CPNE2: variants seen among roughly 807,000 people sequenced by gnomAD.
CPNE2 encodes copine 2, also known as copine-2.
In CPNE2, 42 loss-of-function variants were observed where a neutral mutation model predicts 69.7. The observed-to-expected ratio is 0.60, with a 90% CI of 0.47 to 0.78. The LOEUF is 0.78. Ranked by LOEUF, CPNE2 falls within the 30% of genes least tolerant of loss-of-function variation. The pLI, the probability that CPNE2 is intolerant of heterozygous loss-of-function variation, is 0.00. For missense variants in CPNE2, 587 were observed against 732.0 expected, an observed-to-expected ratio of 0.80 and a Z score of 2.29; for synonymous variants, 294 against 289.8, an observed-to-expected ratio of 1.01 and a Z score of -0.15.
chr16:57,137,398 G>T, intron 14 of CPNE2, 116 bp downstream of exon 14: 1 of 1,319,240 alleles, frequency 7.6e-7, no homozygotes. Flanking sequence ...TCTGGGCCTT[G>T]CTTTACCTTC....
At chr16:57,137,027 C>CT in intron 13 of CPNE2, 122 bp from the exon 14 acceptor site, 2 of 1,406,124 alleles carry the variant, frequency 1.4e-6, no homozygotes, top group South Asian at 2.8e-5. Flanking sequence ...CTCACAAGGC[C>CT]TATGCTAGCC....
In CPNE2 at chr16:57,100,343, C is replaced by T. The variant is rs547189902; in HGVS notation, c.-36+7553C>T. ...ACTTGCTGAAACTGTGTGTGGCAAA[C>T]AGCAGAGCTAGAGCCAAAAGTGTGA... On this transcript the variant is annotated intron_variant, in intron 1 of 15. Transcript: ENST00000290776. Among the ~76,000 whole-genome samples the T allele has an allele frequency of 4.8e-4, 73 of 152,366 alleles. No homozygotes were observed. The Middle Eastern group carries it at 0.017, about 35-fold the overall frequency.
At chr16:57,133,843 G>C (rs1230709950) in intron 12 of CPNE2, among the ~76,000 whole-genome samples, 1 of 152,190 alleles carries the variant, frequency 6.6e-6, no homozygotes, top group Non-Finnish European at 1.5e-5. Context: ...CTTCCATTGG[G>C]GTGTTGTGAG....
intron 12 of CPNE2, among the ~76,000 whole-genome samples, chr16:57,131,650 A>G (rs1567671584): frequency 6.6e-6 from 1 of 152,218 alleles, no homozygotes; most frequent in African/African-American, 2.4e-5. Context: ...GCCAAGAAAG[A>G]TGCTGCGTCC....
At chr16:57,120,483 A>G (rs1360617429) in intron 7 of CPNE2, among the ~76,000 whole-genome samples, 1 of 152,000 alleles carries the variant, frequency 6.6e-6, no homozygotes, top group Non-Finnish European at 1.5e-5. Flanking sequence ...TAAATAAAAA[A>G]TAAAAGCTCT....
At chr16:57,104,736 C>T (rs1280156305) in intron 1 of CPNE2, among the ~76,000 whole-genome samples, 3 of 152,170 alleles carry the variant, frequency 2.0e-5, no homozygotes, top group African/African-American at 4.8e-5. Context: ...CAGCATGGAG[C>T]GGAGACAGAT....
intron 10 of CPNE2, chr16:57,124,906 C>T (rs546513808): frequency 4.6e-4 from 108 of 232,858 alleles, no homozygotes; most frequent in African/African-American, 2.2e-3. Context: ...GTTCATTCAG[C>T]GAACTCACAC....
chr16:57,119,395 G>A, intron 6 of CPNE2, 117 bp downstream of exon 6: 1 of 1,154,748 alleles, frequency 8.7e-7, no homozygotes, highest in South Asian at 1.3e-5. Context: ...AACCCACAGT[G>A]GCACCTGAGG....
At chr16:57,113,546 T>C in intron 3 of CPNE2, 79 bp downstream of exon 3, 1 of 1,433,908 alleles carries the variant, frequency 7.0e-7, no homozygotes, top group African/African-American at 1.4e-5. Context: ...CGTGCTGTCT[T>C]TCCCTAGCCC....
In CPNE2 at chr16:57,113,305, C is replaced by A. The variant is rs777308820; in HGVS notation, c.198C>A (p.Thr66=). 6.2e-7 allele frequency: 1 copy of A among 1,613,952 alleles called. No individual in the cohort carries two copies. The highest frequency in any genetic ancestry group is 1.3e-5 in the African/African-American group (1 of 75,048). ...GRWIEYDRTE[T]AINNLNPAFS... ...TCTGCTAGTACGACAGGACAGAAAC[C>A]GCGATCAACAACCTCAACCCCGCCT... is the stretch of plus-strand genomic sequence containing the variant. The change falls in exon 3 of 16, where the codon ACC becomes ACA. Residue 66 remains threonine (T), a synonymous_variant. Coordinates refer to ENST00000290776, the MANE Select transcript of CPNE2 (RefSeq NM_152727.6).
At chr16:57,109,069 T>C (rs564362034) in intron 1 of CPNE2, among the ~76,000 whole-genome samples, 115 of 152,312 alleles carry the variant, frequency 7.6e-4, no homozygotes, top group Non-Finnish European at 1.5e-3. Flanking sequence ...GAATTTTTAA[T>C]GTTACTGTTA....
intron 9 of CPNE2, 157 bp from the exon 10 acceptor site, chr16:57,123,257 T>C: frequency 1.4e-6 from 1 of 728,430 alleles, no homozygotes; most frequent in East Asian, 2.5e-5. Context: ...AAGGCTTTGT[T>C]ATAGAGAGAT....
At position 57,146,115 on chromosome 16, in the gene CPNE2, G is replaced by C; in HGVS notation, c.1333G>C (p.Gly445Arg). The C allele has an allele frequency of 6.2e-7, 1 of 1,601,964 alleles. No individual in the cohort carries two copies. Among genetic ancestry groups the C allele is most frequent in the Non-Finnish European group, 8.5e-7 (1 of 1,173,848 alleles). ...CTTCATCCTCCTCATCATCACGGAC[G>C]GGGTCATCAGTGACATGGAGGAGAC... ...QYFILLIITD[G>R]VISDMEETRH... Residue 445 changes from glycine to arginine, a missense_variant, in exon 15 of 16, where the codon GGG (glycine) becomes CGG (arginine). Coordinates refer to ENST00000290776, the MANE Select transcript of CPNE2 (RefSeq NM_152727.6). The surrounding 1 kb of genome is among the most constrained non-coding windows in gnomAD (Gnocchi z 4.4).
At chr16:57,140,284 T>C (rs8048280) in intron 14 of CPNE2, among the ~76,000 whole-genome samples, 138,816 of 152,026 alleles carry the variant, frequency 0.91, 63,553 homozygotes, top group Middle Eastern at 0.98. Flanking sequence ...GATTCTCCTG[T>C]CTCAGCATCC....
chr16:57,111,592 G>A (rs2069682518), intron 2 of CPNE2, among the ~76,000 whole-genome samples: 1 of 152,222 alleles, frequency 6.6e-6, no homozygotes, highest in Admixed American at 6.5e-5. Flanking sequence ...GAGAAACAGT[G>A]AGCTCAGGCT....
intron 1 of CPNE2, chr16:57,093,801 C>T (rs990801106): frequency 5.2e-5 from 17 of 324,734 alleles, no homozygotes; most frequent in Non-Finnish European, 9.7e-5. Flanking sequence ...TTTTCTGCCC[C>T]TTGGGCATCC....
rs1393590139 is a variant in CPNE2 at position 57,130,988 on chromosome 16, T to A, written c.1116+3085T>A. On this transcript the variant is annotated intron_variant, in intron 12 of 15. Transcript: ENST00000290776. This position sits in a 1 kb window ranked among gnomAD's most constrained non-coding sequence, Gnocchi z 4.1. Reference sequence around the variant, plus strand: ...ACCACGGGCACCAGGGGAGGGGTGGTTTGGTGGCTCAGAGATGGAGACGTC... The same window carrying A: ...ACCACGGGCACCAGGGGAGGGGTGGATTGGTGGCTCAGAGATGGAGACGTC... Among the ~76,000 whole-genome samples the A allele has an allele frequency of 6.6e-6, 1 of 151,500 alleles. No individual in the cohort carries two copies. The highest frequency in any genetic ancestry group is 6.6e-5 in the Admixed American group (1 of 15,232).
rs1189339833 is a variant in CPNE2 at position 57,113,453 on chromosome 16, T to C, written c.346T>C (p.Cys116Arg). Residue 116 changes from cysteine to arginine, a missense_variant, in exon 3 of 16, where the codon TGC becomes CGC. Transcript: ENST00000290776. ...GCATGACTTCCTGGGCCAGTTCTCCTGCAGCCTGGGCACGGTGAGCTGGGC... is the reference window on the plus strand; with the variant it reads ...GCATGACTTCCTGGGCCAGTTCTCCCGCAGCCTGGGCACGGTGAGCTGGGC... ...DEHDFLGQFSCSLGTIVSSKK... is the reference protein window; with the variant it reads ...DEHDFLGQFSRSLGTIVSSKK... 1 of 1,613,772 alleles carries C rather than the reference T, an allele frequency of 6.2e-7. No homozygotes were observed. The highest frequency in any genetic ancestry group is 8.5e-7 in the Non-Finnish European group (1 of 1,179,826).
chr16:57,138,964 A>G (rs1257745831), intron 14 of CPNE2, among the ~76,000 whole-genome samples: 1 of 152,224 alleles, frequency 6.6e-6, no homozygotes, highest in African/African-American at 2.4e-5. Context: ...GGTGGGAAAG[A>G]TAGTGCAACT....
Sources: allele counts gnomAD v4.1 joint callset (sites outside exome capture counted in the v4.1 genomes callset), GRCh38; gene constraint gnomAD v4.1.1; non-coding constraint Gnocchi (gnomAD v3.1); transcripts MANE v1.5; gene names NCBI Gene and HGNC (gene_info 2026-07-23, HGNC 2026-07-21).